Variants in CACNB2 observed in about 807,000 individuals in gnomAD.
The protein encoded by CACNB2 is calcium voltage-gated channel auxiliary subunit beta 2.
CACNB2 carries 42 observed loss-of-function variants against 73.3 expected under a neutral mutation model. The observed-to-expected ratio is 0.57, with a 90% CI of 0.45 to 0.74. The LOEUF (loss-of-function observed/expected upper bound fraction) is 0.74, where lower values mean the gene tolerates loss of function less well. CACNB2 is among the 30% of genes least tolerant of loss of function. CACNB2 has a pLI of 0.00. For synonymous variants in CACNB2, 348 were observed against 310.3 expected (o/e 1.12, Z -1.28); for missense variants, 940 against 853.0 (o/e 1.10, Z -1.27).
intron 2 of CACNB2, among the ~76,000 whole-genome samples, chr10:18,351,982 G>T (rs1564459849): frequency 6.6e-6 from 1 of 152,138 alleles, no homozygotes; most frequent in South Asian, 2.1e-4. Flanking sequence ...CTCTCTCAAG[G>T]CGTGTTCAGA....
At chr10:18,141,905 C>T (rs1204413511) in intron 1 of CACNB2, among the ~76,000 whole-genome samples, 2 of 152,156 alleles carry the variant, frequency 1.3e-5, no homozygotes, top group Admixed American at 1.3e-4. Context: ...TTCAAGCCTA[C>T]ATTTGCCAGA....
chr10:18,364,864 G>A (rs1313469359), intron 2 of CACNB2, among the ~76,000 whole-genome samples: 1 of 152,018 alleles, frequency 6.6e-6, no homozygotes, highest in East Asian at 1.9e-4. Flanking sequence ...TTTCTTGTTA[G>A]TATGTATAAT....
In CACNB2 at chr10:18,223,278, T is replaced by C. The variant is rs540449950; in HGVS notation, c.213+72303T>C. 6.6e-5 allele frequency among the ~76,000 whole-genome samples: 10 copies of C among 152,350 alleles called. No homozygotes were observed. In the South Asian group the frequency reaches 1.4e-3, roughly 22 times the overall value. The stretch of plus-strand genomic sequence containing the variant: ...CCTTCTATATATGTAATACTGAATA[T>C]TAATAATTGGCATAAATAATTACAA... On this transcript the variant is annotated intron_variant, in intron 2 of 13. Coordinates refer to ENST00000324631, the MANE Select transcript of CACNB2 (RefSeq NM_201596.3).
At chr10:18,155,803 C>G (rs1465124993) in intron 2 of CACNB2, among the ~76,000 whole-genome samples, 2 of 151,330 alleles carry the variant, frequency 1.3e-5, no homozygotes, top group Admixed American at 6.6e-5. Flanking sequence ...TTTCTGATAT[C>G]TAACCCACAA....
intron 12 of CACNB2, among the ~76,000 whole-genome samples, chr10:18,537,504 T>A (rs1282123752): frequency 6.6e-6 from 1 of 151,888 alleles, no homozygotes; most frequent in African/African-American, 2.4e-5. Flanking sequence ...GGGCCGGGCA[T>A]GGTGGCTCAT....
chr10:18,371,991 T>C (rs1326236561), intron 2 of CACNB2, among the ~76,000 whole-genome samples: 1 of 152,252 alleles, frequency 6.6e-6, no homozygotes, highest in African/African-American at 2.4e-5. Flanking sequence ...TTTGCCTGCA[T>C]AAATGTCTTC....
At chr10:18,349,250 T>C (rs896736516) in intron 2 of CACNB2, among the ~76,000 whole-genome samples, 5 of 152,174 alleles carry the variant, frequency 3.3e-5, no homozygotes, top group African/African-American at 9.7e-5. Context: ...CCGCTTCTAT[T>C]TGAAGGATGT....
intron 2 of CACNB2, among the ~76,000 whole-genome samples, chr10:18,298,926 A>G (rs1242740574): frequency 6.6e-6 from 1 of 152,118 alleles, no homozygotes. Context: ...CTTTGGAGAA[A>G]AGGTTGGAGA....
chr10:18,406,891 C>G (rs1463770287), intron 3 of CACNB2, among the ~76,000 whole-genome samples: 2 of 152,054 alleles, frequency 1.3e-5, no homozygotes, highest in Non-Finnish European at 2.9e-5. Flanking sequence ...AAATGCCTCC[C>G]AGGCCCTGGA....
chr10:18,183,324 T>C (rs772179066), intron 2 of CACNB2, among the ~76,000 whole-genome samples: 3 of 145,428 alleles, frequency 2.1e-5, no homozygotes, highest in Non-Finnish European at 3.1e-5. Context: ...CTTCTGCCTG[T>C]TCTTTTTTAT....
intron 2 of CACNB2, among the ~76,000 whole-genome samples, chr10:18,307,168 AT>A (rs1334353052): frequency 6.6e-6 from 1 of 152,188 alleles, no homozygotes; most frequent in Admixed American, 6.5e-5. Flanking sequence ...TGGTAAATAA[AT>A]GCCATTCTTT....
intron 10 of CACNB2, among the ~76,000 whole-genome samples, chr10:18,530,561 C>A (rs1784353312): frequency 6.7e-6 from 1 of 149,248 alleles, no homozygotes; most frequent in African/African-American, 2.5e-5. Flanking sequence ...CATCTAACAC[C>A]AAACCCATTT....
chr10:18,338,502 A>G (rs367873344), intron 2 of CACNB2, among the ~76,000 whole-genome samples: 5 of 152,278 alleles, frequency 3.3e-5, no homozygotes, highest in African/African-American at 1.2e-4. Context: ...TTTTTCTATC[A>G]ACATTGTGTT....
chr10:18,170,500 A>G (rs1453668654), intron 2 of CACNB2, among the ~76,000 whole-genome samples: 1 of 152,228 alleles, frequency 6.6e-6, no homozygotes, highest in Non-Finnish European at 1.5e-5. Context: ...CTGGGAATAT[A>G]CGTGTAAATA....
Position 18,459,732 on chromosome 10 carries a change from C to A in CACNB2, c.334-38623C>A, listed in dbSNP as rs80145851. ...TTGTAAAAGTAGAATGCTGGCCGGGCGCAGTGGCTCACGCCTGTAATCCCA... is the reference window on the plus strand; with the variant it reads ...TTGTAAAAGTAGAATGCTGGCCGGGAGCAGTGGCTCACGCCTGTAATCCCA... On this transcript the variant is annotated intron_variant, in intron 3 of 13. Transcript: ENST00000324631. Among the ~76,000 whole-genome samples the A allele has an allele frequency of 8.3e-3, 1,264 of 152,284 alleles. 7 individuals are homozygous for A. The highest frequency in any genetic ancestry group is 0.014 in the Middle Eastern group (4 of 294).
intron 3 of CACNB2, among the ~76,000 whole-genome samples, chr10:18,490,840 G>T (rs551306005): frequency 2.0e-5 from 3 of 146,994 alleles, no homozygotes; most frequent in Non-Finnish European, 4.5e-5. Flanking sequence ...TGATAAACCC[G>T]GGCCGGTGGG....
rs372752016 is a variant in CACNB2, at chr10:18,355,639, T to A, written c.214-46285T>A. ...TTGATCTGATTTTTCTCTTTTTTTTTTTTTTTTATTTTTTTGAGACAGAGT... is the reference window on the plus strand; with the variant it reads ...TTGATCTGATTTTTCTCTTTTTTTTATTTTTTTATTTTTTTGAGACAGAGT... On this transcript the variant is annotated intron_variant, in intron 2 of 13. Coordinates refer to ENST00000324631, the MANE Select transcript of CACNB2 (RefSeq NM_201596.3). Among the ~76,000 whole-genome samples the A allele has an allele frequency of 2.8e-4, 42 of 151,502 alleles. 1 individual carries two copies. The East Asian group carries it at 4.3e-3, about 15-fold the overall frequency.
intron 2 of CACNB2, among the ~76,000 whole-genome samples, chr10:18,244,753 C>A (rs887763062): frequency 3.3e-5 from 5 of 152,188 alleles, no homozygotes; most frequent in Non-Finnish European, 7.3e-5. Context: ...ATGTTCCAAT[C>A]TATGGAACCT....
At chr10:18,432,189 A>G (rs2045921645) in intron 3 of CACNB2, among the ~76,000 whole-genome samples, 1 of 152,180 alleles carries the variant, frequency 6.6e-6, no homozygotes, top group Non-Finnish European at 1.5e-5. Flanking sequence ...ATTCACTAAG[A>G]TTTTTCCCTT....
Sources: gnomAD v4.1 joint callset for allele counts (sites outside exome capture counted in the v4.1 genomes callset) on GRCh38, gnomAD v4.1.1 for gene constraint, MANE v1.5 for transcripts, NCBI Gene and HGNC (gene_info 2026-07-23, HGNC 2026-07-21) for gene names.